ATF7IP: variants seen among roughly 807,000 people sequenced by gnomAD.
ATF7IP encodes the protein activating transcription factor 7 interacting protein.
In ATF7IP, 23 loss-of-function variants were observed where a neutral mutation model predicts 106.4. That is an observed-to-expected ratio of 0.22 (90% CI 0.16 to 0.31). The LOEUF (loss-of-function observed/expected upper bound fraction) is 0.31, where lower values mean the gene tolerates loss of function less well. Ranked by LOEUF, ATF7IP falls within the 10% of genes least tolerant of loss-of-function variation. The pLI, the probability that ATF7IP is intolerant of heterozygous loss-of-function variation, is 1.00. For synonymous variants in ATF7IP, 542 were observed against 539.0 expected (o/e 1.01, Z -0.08); for missense variants, 1,334 against 1,524.3 (o/e 0.88, Z 2.08).
intron 1 of ATF7IP, among the ~76,000 whole-genome samples, chr12:14,418,371 C>T (rs950202505): frequency 2.0e-5 from 3 of 152,144 alleles, no homozygotes; most frequent in African/African-American, 7.2e-5. Context: ...TGGCAGACAT[C>T]TTCTGCCGTA....
intron 1 of ATF7IP, among the ~76,000 whole-genome samples, chr12:14,416,093 T>A (rs1407095105): frequency 6.6e-6 from 1 of 152,150 alleles, no homozygotes; most frequent in African/African-American, 2.4e-5. Flanking sequence ...ATTATTAGCA[T>A]CTTTTGTGCA....
intron 1 of ATF7IP, among the ~76,000 whole-genome samples, chr12:14,421,643 A>C (rs1941513132): frequency 6.6e-6 from 1 of 152,166 alleles, no homozygotes; most frequent in African/African-American, 2.4e-5. Flanking sequence ...TACCACTGTA[A>C]AGGCCCTATC....
chr12:14,492,009 C>T (rs184367964), intron 13 of ATF7IP, among the ~76,000 whole-genome samples: 10 of 152,008 alleles, frequency 6.6e-5, no homozygotes, highest in Non-Finnish European at 1.2e-4. Context: ...TGATTTACTA[C>T]TTTTTAGAGG....
intron 13 of ATF7IP, among the ~76,000 whole-genome samples, chr12:14,490,394 C>T (rs762136491): frequency 2.0e-5 from 3 of 152,188 alleles, no homozygotes; most frequent in South Asian, 4.1e-4. Context: ...TGTAATGATG[C>T]TTCTTCCAAG....
chr12:14,429,660 G>A (rs1942027853), intron 2 of ATF7IP, among the ~76,000 whole-genome samples: 1 of 152,128 alleles, frequency 6.6e-6, no homozygotes, highest in South Asian at 2.1e-4. Flanking sequence ...CTGTAGGTTA[G>A]TATTGATAGA....
At chr12:14,437,169 T>C (rs919315126) in intron 4 of ATF7IP, among the ~76,000 whole-genome samples, 2 of 152,242 alleles carry the variant, frequency 1.3e-5, no homozygotes, top group Non-Finnish European at 2.9e-5. Flanking sequence ...TTTTTCAACA[T>C]GTGTTCACAA....
intron 5 of ATF7IP, among the ~76,000 whole-genome samples, chr12:14,445,618 T>C (rs183122746): frequency 2.0e-5 from 3 of 152,346 alleles, no homozygotes; most frequent in African/African-American, 7.2e-5. Context: ...ACTAAGTCCT[T>C]AGGGAAAATC....
chr12:14,423,152 C>T (rs1941624714), intron 1 of ATF7IP, among the ~76,000 whole-genome samples: 1 of 152,028 alleles, frequency 6.6e-6, no homozygotes, highest in South Asian at 2.1e-4. Flanking sequence ...ATGTTTATTG[C>T]TTATGGACTT....
Position 14,419,685 on chromosome 12 carries a change from C to T in ATF7IP, c.-7-4224C>T, listed in dbSNP as rs1171630143. On this transcript the variant is annotated intron_variant, in intron 1 of 14. Coordinates refer to ENST00000261168, the MANE Select transcript of ATF7IP (RefSeq NM_018179.5). ...CTTTGTAATGATGGGAAGGGAAAAA[C>T]CTTGAAGGTGTGAAATTTTAGTCTG... Among the ~76,000 whole-genome samples, 6 of 151,996 alleles carry T rather than the reference C, an allele frequency of 3.9e-5. No individual in the cohort carries two copies. The East Asian group carries it at 1.2e-3, about 29-fold the overall frequency.
intron 1 of ATF7IP, among the ~76,000 whole-genome samples, chr12:14,407,304 G>A (rs1940644580): frequency 6.6e-6 from 1 of 152,050 alleles, no homozygotes; most frequent in African/African-American, 2.4e-5. Flanking sequence ...TGACTTGGCT[G>A]TCAAACCAGC....
Position 14,478,387 on chromosome 12 carries a change from A to G in ATF7IP, c.3012A>G (p.Gln1004=), listed in dbSNP as rs1451201347. ...SSSQPVSRPL[Q]PIQPAPPLQP... is the part of the protein sequence containing the mutation. ...CTCAGCCTGTGTCACGACCATTGCA[A>G]CCCATACAACCAGCACCGCCTCTTC... Residue 1004 remains glutamine, a synonymous_variant, in exon 12 of 15, where the codon CAA becomes CAG. Coordinates refer to ENST00000261168, the MANE Select transcript of ATF7IP (RefSeq NM_018179.5). The G allele has an allele frequency of 1.2e-6, 2 of 1,614,066 alleles. No homozygotes were observed. Among genetic ancestry groups the G allele is most frequent in the East Asian group, 2.2e-5 (1 of 44,868 alleles).
At chr12:14,473,806 GT>G (rs67593486) in intron 10 of ATF7IP, among the ~76,000 whole-genome samples, 167 of 146,094 alleles carry the variant, frequency 1.1e-3, no homozygotes, top group Middle Eastern at 7.1e-3. Context: ...ATTCTTAAAG[GT>G]TTTTTTTTTT....
chr12:14,466,325 C>A (rs893565144), intron 9 of ATF7IP: 2 of 461,524 alleles, frequency 4.3e-6, no homozygotes, highest in Non-Finnish European at 7.7e-6. Flanking sequence ...TTTTTTTAAT[C>A]TGTATTGTGA....
Position 14,499,228 on chromosome 12 carries a change from A to C in ATF7IP, c.*1155A>C, listed in dbSNP as rs2136888430. On this transcript the variant is annotated 3_prime_UTR_variant, in exon 15 of 15. Coordinates refer to ENST00000261168, the MANE Select transcript of ATF7IP (RefSeq NM_018179.5). ...CACACACAGGTGCATGCATAGTCTCATCTTAGCCGGGCATGGTGGCGACAA... is the reference window on the plus strand; with the variant it reads ...CACACACAGGTGCATGCATAGTCTCCTCTTAGCCGGGCATGGTGGCGACAA... The C allele has an allele frequency of 6.6e-6, 1 of 152,372 alleles. No homozygotes were observed. Among genetic ancestry groups the C allele is most frequent in the East Asian group, 1.9e-4 (1 of 5,172 alleles). 9.4% of individuals were successfully genotyped at this position (152,372 alleles called of 1,614,324 possible). A position where few individuals can be genotyped will look rare whatever the true frequency, so the allele number is the denominator to read the frequency against.
chr12:14,397,386 G>T (rs1004965236), intron 1 of ATF7IP, among the ~76,000 whole-genome samples: 1 of 152,198 alleles, frequency 6.6e-6, no homozygotes, highest in Non-Finnish European at 1.5e-5. Flanking sequence ...ATGAACCTAA[G>T]TGGTCAGGTA....
rs149778571 is a variant in ATF7IP, at chr12:14,460,906, G to A, written c.2570G>A (p.Arg857Lys). Residue 857 changes from arginine (R) to lysine (K), a missense_variant, in exon 9 of 15, where the codon AGG becomes AAG. Physicochemically the swap from Arg to Lys is conservative, Grantham distance 26. This residue lies in a region of ATF7IP where 370 missense variants were observed against 401.2 expected (regional missense o/e 0.92). Coordinates refer to ENST00000261168, the MANE Select transcript of ATF7IP (RefSeq NM_018179.5). ...TCTGTGCCCAGTCCTAGTATTCAAA[G>A]GAACCCTACTGCCAGTGCTGCACCA... ...VPSVPSPSIQ[R>K]NPTASAAPLG... 95 of 1,614,026 alleles carry A rather than the reference G, an allele frequency of 5.9e-5. No individual in the cohort carries two copies. In the African/African-American group the frequency reaches 1.2e-3, roughly 21 times the overall value.
chr12:14,446,350 T>G (rs1215917078), intron 5 of ATF7IP, among the ~76,000 whole-genome samples: 1 of 151,918 alleles, frequency 6.6e-6, no homozygotes, highest in Admixed American at 6.6e-5. Context: ...GTTTCACCAT[T>G]TTGGCCAGGC....
intron 2 of ATF7IP, among the ~76,000 whole-genome samples, chr12:14,430,499 A>G (rs956401470): frequency 3.3e-5 from 5 of 152,248 alleles, no homozygotes; most frequent in Non-Finnish European, 4.4e-5. Flanking sequence ...TATTGGTTAA[A>G]TAAAACTAAT....
intron 6 of ATF7IP, among the ~76,000 whole-genome samples, chr12:14,448,582 CT>C (rs1943076736): frequency 6.6e-6 from 1 of 152,094 alleles, no homozygotes; most frequent in Non-Finnish European, 1.5e-5. Context: ...CCATTATTAT[CT>C]TTGGGCTATT....
Sources: gnomAD v4.1 joint callset for allele counts (sites outside exome capture counted in the v4.1 genomes callset) on GRCh38, gnomAD v4.1.1 for gene constraint, gnomAD v4.1.1 regional missense constraint, MANE v1.5 for transcripts, NCBI Gene and HGNC (gene_info 2026-07-23, HGNC 2026-07-21) for gene names.